Variants in KCNH8 observed in about 807,000 individuals in gnomAD.
KCNH8 encodes the protein voltage-gated delayed rectifier potassium channel KCNH8.
Under a neutral mutation model 103.6 loss-of-function variants are expected in KCNH8, and 70 were observed. The observed-to-expected ratio is 0.68, with a 90% CI of 0.56 to 0.82. KCNH8 has a LOEUF of 0.82. Ranked by LOEUF, KCNH8 falls within the 40% of genes least tolerant of loss-of-function variation. KCNH8 has a pLI of 0.00. For synonymous variants in KCNH8, 498 were observed against 489.4 expected, an observed-to-expected ratio of 1.02 and a Z score of -0.23; for missense variants, 1,217 against 1,329.9, an observed-to-expected ratio of 0.92 and a Z score of 1.32.
intron 3 of KCNH8, among the ~76,000 whole-genome samples, chr3:19,341,715 C>A (rs1465443450): frequency 2.0e-5 from 3 of 152,054 alleles, no homozygotes; most frequent in Admixed American, 6.6e-5. Context: ...TGCTCATCCA[C>A]ACTCATGATT....
At chr3:19,163,098 A>T (rs1021529238) in intron 1 of KCNH8, among the ~76,000 whole-genome samples, 1 of 151,956 alleles carries the variant, frequency 6.6e-6, no homozygotes, top group Non-Finnish European at 1.5e-5. Flanking sequence ...AGGCAATTTT[A>T]TGAAAAAAAT....
chr3:19,229,705 T>C (rs2063971244), intron 1 of KCNH8, among the ~76,000 whole-genome samples: 1 of 152,226 alleles, frequency 6.6e-6, no homozygotes, highest in African/African-American at 2.4e-5. Flanking sequence ...GACCACCTTA[T>C]CTTGGACCTT....
At chr3:19,186,308 A>G (rs905501041) in intron 1 of KCNH8, among the ~76,000 whole-genome samples, 1 of 151,604 alleles carries the variant, frequency 6.6e-6, no homozygotes, top group African/African-American at 2.4e-5. Context: ...AAAAAAGAAA[A>G]AAAATTGCAA....
At chr3:19,465,892 A>G (rs1279686734) in intron 11 of KCNH8, among the ~76,000 whole-genome samples, 2 of 152,152 alleles carry the variant, frequency 1.3e-5, no homozygotes, top group African/African-American at 2.4e-5. Flanking sequence ...CTGCAATTTT[A>G]TGATAAAACT....
chr3:19,463,462 T>C (rs926840242), intron 11 of KCNH8, among the ~76,000 whole-genome samples: 4 of 151,918 alleles, frequency 2.6e-5, no homozygotes, highest in Admixed American at 2.6e-4. Flanking sequence ...GCAAAATATA[T>C]GTACAGGCAA....
In KCNH8 at chr3:19,329,747, G is replaced by A. The variant is rs2065479193; in HGVS notation, c.443-12840G>A. Among the ~76,000 whole-genome samples the A allele has an allele frequency of 1.3e-5, 2 of 151,964 alleles. 1 individual carries two copies. The highest frequency in any genetic ancestry group is 4.1e-4 in the South Asian group (2 of 4,824). On this transcript the variant is annotated intron_variant, in intron 3 of 15. Transcript: ENST00000328405. Reference sequence around the variant, plus strand: ...AGCACTAAGCATTTCAATTCCAGGAGAATAAAAGAAATTCCGATTTGAAAT... The same window carrying A: ...AGCACTAAGCATTTCAATTCCAGGAAAATAAAAGAAATTCCGATTTGAAAT...
chr3:19,486,464 G>A (rs748485526), intron 11 of KCNH8, among the ~76,000 whole-genome samples: 8 of 152,184 alleles, frequency 5.3e-5, no homozygotes, highest in Non-Finnish European at 7.3e-5. Context: ...TAACAGGGCC[G>A]TTGCTGCCAG....
At chr3:19,282,708 C>T (rs1383705589) in intron 3 of KCNH8, among the ~76,000 whole-genome samples, 1 of 151,992 alleles carries the variant, frequency 6.6e-6, no homozygotes, top group Non-Finnish European at 1.5e-5. Flanking sequence ...CCTTATGTCT[C>T]GTGTTAGGGG....
intron 3 of KCNH8, among the ~76,000 whole-genome samples, chr3:19,283,442 AT>A (rs2064783608): frequency 6.6e-6 from 1 of 152,172 alleles, no homozygotes; most frequent in African/African-American, 2.4e-5. Flanking sequence ...ATTGTGCAAA[AT>A]ATGATTTAAT....
At chr3:19,422,825 G>A (rs1389483015) in intron 7 of KCNH8, among the ~76,000 whole-genome samples, 1 of 152,082 alleles carries the variant, frequency 6.6e-6, no homozygotes, top group South Asian at 2.1e-4. Flanking sequence ...ATTAAAGTGT[G>A]TTGAGACCTC....
intron 11 of KCNH8, among the ~76,000 whole-genome samples, chr3:19,488,661 C>G (rs920875115): frequency 1.3e-5 from 2 of 152,198 alleles, no homozygotes; most frequent in South Asian, 4.2e-4. Flanking sequence ...TTCTTTAGAC[C>G]TTTTATCAAT....
At chr3:19,402,767 T>G (rs897781342) in intron 7 of KCNH8, among the ~76,000 whole-genome samples, 3 of 151,886 alleles carry the variant, frequency 2.0e-5, no homozygotes, top group African/African-American at 7.2e-5. Flanking sequence ...ACCTTATTAC[T>G]AGGTCACCCT....
chr3:19,159,498 T>C (rs1374767290), intron 1 of KCNH8, among the ~76,000 whole-genome samples: 1 of 152,038 alleles, frequency 6.6e-6, no homozygotes, highest in African/African-American at 2.4e-5. Flanking sequence ...GGTTTAGCAT[T>C]TGTGCCGATT....
At chr3:19,499,548 G>A (rs899527782) in intron 11 of KCNH8, among the ~76,000 whole-genome samples, 14 of 152,100 alleles carry the variant, frequency 9.2e-5, no homozygotes, top group African/African-American at 2.2e-4. Flanking sequence ...CAGAAAGGTC[G>A]GGTTACCCTC....
chr3:19,401,558 T>C (rs2066612921), intron 7 of KCNH8, among the ~76,000 whole-genome samples: 1 of 152,030 alleles, frequency 6.6e-6, no homozygotes, highest in South Asian at 2.1e-4. Context: ...GTCAATGCTC[T>C]ATTCTATTTT....
intron 11 of KCNH8, among the ~76,000 whole-genome samples, chr3:19,494,272 C>G (rs184981956): frequency 6.5e-4 from 99 of 152,282 alleles, no homozygotes; most frequent in Admixed American, 6.4e-3. Flanking sequence ...TTGTAGCTCC[C>G]ATAATTCCCA....
chr3:19,272,738 C>T (rs903555532), intron 2 of KCNH8, among the ~76,000 whole-genome samples: 9 of 152,244 alleles, frequency 5.9e-5, no homozygotes, highest in South Asian at 2.1e-4. Flanking sequence ...TGTCATGCTA[C>T]AATCCTATAG....
intron 9 of KCNH8, chr3:19,450,576 G>T: frequency 2.3e-6 from 1 of 435,072 alleles, no homozygotes. Context: ...TCTTTTCAAA[G>T]GAATCAATTC....
chr3:19,149,083 G>A (rs886518640), intron 1 of KCNH8, among the ~76,000 whole-genome samples: 2 of 152,140 alleles, frequency 1.3e-5, no homozygotes, highest in African/African-American at 4.8e-5. Flanking sequence ...CTGCATTTTG[G>A]TGTATCTTTA....
Sources: allele counts gnomAD v4.1 joint callset (sites outside exome capture counted in the v4.1 genomes callset), GRCh38; gene constraint gnomAD v4.1.1; transcripts MANE v1.5; gene names NCBI Gene and HGNC (gene_info 2026-07-23, HGNC 2026-07-21).